Variants in ADAMTS5 observed in about 807,000 individuals in gnomAD.
ADAMTS5 encodes the protein ADAM metallopeptidase with thrombospondin type 1 motif 5.
ADAMTS5 carries 54 observed loss-of-function variants against 81.4 expected under a neutral mutation model. The ratio of observed to expected loss-of-function variants is 0.66; its 90% CI spans 0.53 to 0.83. ADAMTS5 has a LOEUF of 0.83. ADAMTS5 is among the 40% of genes least tolerant of loss of function. The probability of loss-of-function intolerance (pLI) is 0.00; values close to 1 mark genes in which losing one functional copy is unlikely to be tolerated. For synonymous variants in ADAMTS5, 532 were observed against 508.8 expected (o/e 1.05, Z -0.61); for missense variants, 1,194 against 1,229.9 (o/e 0.97, Z 0.44).
intron 3 of ADAMTS5, chr21:26,939,792 A>G (rs532050036): frequency 2.6e-5 from 4 of 152,306 alleles, no homozygotes; most frequent in African/African-American, 7.2e-5. Flanking sequence ...TCACTGCACA[A>G]TTTCTTTGCC....
rs149914862 is a variant in ADAMTS5, at chr21:26,927,328, G to A, written c.2225+2558C>T. 2.2e-3 allele frequency among the ~76,000 whole-genome samples: 338 copies of A among 152,298 alleles called. 2 individuals carry two copies. The East Asian group carries it at 0.024, about 11-fold the overall frequency. On this transcript the variant is annotated intron_variant, in intron 7 of 7. Transcript: ENST00000284987. ...CAATTGATAAGAGCTGTGAAGAAAC[G>A]GAGTAAGGTAAGAAGTTGCACAGTA...
intron 1 of ADAMTS5, among the ~76,000 whole-genome samples, chr21:26,962,221 C>T (rs1167453033): frequency 4.6e-5 from 7 of 150,754 alleles, no homozygotes; most frequent in Admixed American, 6.6e-5. Context: ...TAAAAAAAAA[C>T]GACTGTAAGA....
rs562760609 is a variant in ADAMTS5 at position 26,919,884 on chromosome 21, G to A, written c.*4169C>T. ...AAACATACAAGTTCCTTTTCTGTGT[G>A]TCTAAATGATACATTGTCTTGAATT... is the stretch of plus-strand genomic sequence containing the variant. On this transcript the variant is annotated 3_prime_UTR_variant, in exon 8 of 8. Transcript: ENST00000284987. The A allele has an allele frequency of 3.5e-4, 54 of 152,144 alleles. No homozygotes were observed. The highest frequency in any genetic ancestry group is 6.9e-4 in the Non-Finnish European group (47 of 67,968). 9.4% of individuals were successfully genotyped at this position (152,144 alleles called of 1,614,324 possible).
In ADAMTS5 at chr21:26,918,297, G is replaced by T. The variant is rs768673908; in HGVS notation, c.*5756C>A. On this transcript the variant is annotated 3_prime_UTR_variant, in exon 8 of 8. Coordinates refer to ENST00000284987, the MANE Select transcript of ADAMTS5 (RefSeq NM_007038.5). The stretch of plus-strand genomic sequence containing the variant: ...GCGTACATTTTACATCTTATATACA[G>T]TATGTAAATCTTCAATGATTTTCTC... The T allele has an allele frequency of 6.6e-6, 1 of 152,356 alleles. No homozygotes were observed. The highest frequency in any genetic ancestry group is 1.5e-5 in the Non-Finnish European group (1 of 67,940). 9.4% of individuals were successfully genotyped at this position (152,356 alleles called of 1,614,324 possible). A position where few individuals can be genotyped will look rare whatever the true frequency, so the allele number is the denominator to read the frequency against.
intron 1 of ADAMTS5, among the ~76,000 whole-genome samples, chr21:26,959,665 T>C (rs1225500532): frequency 6.6e-6 from 1 of 152,208 alleles, no homozygotes; most frequent in East Asian, 1.9e-4. Flanking sequence ...ACTAAATATA[T>C]GAAATACACT....
chr21:26,953,953 A>T (rs1208252468), intron 2 of ADAMTS5: 1 of 153,566 alleles, frequency 6.5e-6, no homozygotes, highest in Non-Finnish European at 1.5e-5. Context: ...TTTAGCAAAA[A>T]TTGGGCTCAT....
At chr21:26,930,139 A>G in intron 6 of ADAMTS5, 78 bp from the exon 7 acceptor site, 2 of 1,432,594 alleles carry the variant, frequency 1.4e-6, no homozygotes, top group Non-Finnish European at 9.6e-7. Context: ...GTAAGTTCTC[A>G]TTTGTGATTT....
intron 6 of ADAMTS5, among the ~76,000 whole-genome samples, chr21:26,930,585 G>A (rs1279760420): frequency 6.6e-6 from 1 of 152,140 alleles, no homozygotes; most frequent in Non-Finnish European, 1.5e-5. Flanking sequence ...AACCAAATTA[G>A]TGCAGAAAAA....
At position 26,949,952 on chromosome 21, in the gene ADAMTS5, T is replaced by C. The variant is rs149485489; in HGVS notation, c.1237+4787A>G. ...CAGCTTTTCAAAATATGGCCGTGTTTAATCTAATCATCTACAGAAGCAGAG... is the reference window on the plus strand; with the variant it reads ...CAGCTTTTCAAAATATGGCCGTGTTCAATCTAATCATCTACAGAAGCAGAG... On this transcript the variant is annotated intron_variant, in intron 2 of 7. Coordinates refer to ENST00000284987, the MANE Select transcript of ADAMTS5 (RefSeq NM_007038.5). 4.1e-3 allele frequency among the ~76,000 whole-genome samples: 619 copies of C among 152,330 alleles called. 1 individual carries two copies. Among genetic ancestry groups the C allele is most frequent in the African/African-American group, 0.012 (486 of 41,572 alleles).
chr21:26,936,111 C>T (rs1385481186), intron 3 of ADAMTS5, among the ~76,000 whole-genome samples: 1 of 152,126 alleles, frequency 6.6e-6, no homozygotes, highest in Non-Finnish European at 1.5e-5. Context: ...CATATGGCTT[C>T]TGTTAGCATG....
intron 1 of ADAMTS5, among the ~76,000 whole-genome samples, chr21:26,961,189 T>A (rs187493828): frequency 7.4e-4 from 112 of 152,376 alleles, no homozygotes; most frequent in Middle Eastern, 6.8e-3. Context: ...AAGAAGTTTA[T>A]CTTTGTTTCT....
rs1987667980 is a variant in ADAMTS5, at chr21:26,966,261, C to T, written c.131G>A (p.Arg44His). 3 of 1,580,442 alleles carry T rather than the reference C, an allele frequency of 1.9e-6. No individual in the cohort carries two copies. The highest frequency in any genetic ancestry group is 2.7e-5 in the African/African-American group (2 of 74,028). ...PPTAAAAAQP[R>H]RRQGEEVQER... is the part of the protein sequence containing the mutation. ...CTGCACCTCCTCCCCCTGCCGCCGG[C>T]GGGGCTGGGCGGCTGCTGCAGCAGT... is the stretch of plus-strand genomic sequence containing the variant. Residue 44 changes from arginine to histidine, a missense_variant, in exon 1 of 8, where the codon CGC becomes CAC. Around this residue, in one of 2 missense-constraint regions of ADAMTS5, gnomAD observed 498 missense variants for 412.3 expected, o/e 1.21. Coordinates refer to ENST00000284987, the MANE Select transcript of ADAMTS5 (RefSeq NM_007038.5).
intron 2 of ADAMTS5, among the ~76,000 whole-genome samples, chr21:26,948,364 C>T (rs974829446): frequency 5.3e-5 from 8 of 152,164 alleles, no homozygotes; most frequent in African/African-American, 1.9e-4. Context: ...GACACAGTAC[C>T]ACATCCTAAA....
rs35477486 is a variant in ADAMTS5, at chr21:26,949,136, GAT to G, written c.1238-5591_1238-5590del. 3.0e-3 allele frequency among the ~76,000 whole-genome samples: 431 copies of G among 144,968 alleles called. 2 individuals carry two copies. The highest frequency in any genetic ancestry group is 8.4e-3 in the African/African-American group (330 of 39,416). On this transcript the variant is annotated intron_variant, in intron 2 of 7. Transcript: ENST00000284987. The stretch of plus-strand genomic sequence containing the variant: ...ACTTATGAGTATTCTAGTAATCAGT[GAT>G]ATATATATATATATATCACACATAT...
chr21:26,933,061 A>C lies in ADAMTS5; in HGVS notation c.1690-17T>G, dbSNP rs1350947432. On this transcript the variant is annotated splice_polypyrimidine_tract_variant and intron_variant, in intron 4 of 7. Transcript: ENST00000284987. ...GCTTGACGTCTGAAATAGAGAATAG[A>C]ATATATTTTAACTCCAATGAGAGAA... 1 of 1,596,584 alleles carries C rather than the reference A, an allele frequency of 6.3e-7. No homozygotes were observed.
In ADAMTS5 at chr21:26,953,036, T is replaced by A. The variant is rs529733423; in HGVS notation, c.1237+1703A>T. On this transcript the variant is annotated intron_variant, in intron 2 of 7. Coordinates refer to ENST00000284987, the MANE Select transcript of ADAMTS5 (RefSeq NM_007038.5). ...GGTTCTGTATTAGGCTGTGTTTTTATCAGTAAGGATTAATAGGCATAAATG... is the reference window on the plus strand; with the variant it reads ...GGTTCTGTATTAGGCTGTGTTTTTAACAGTAAGGATTAATAGGCATAAATG... Among the ~76,000 whole-genome samples, 30 of 152,330 alleles carry A rather than the reference T, an allele frequency of 2.0e-4. 1 individual carries two copies. The South Asian group carries it at 5.8e-3, about 29-fold the overall frequency.
At chr21:26,954,461 C>T (rs983485393) in intron 2 of ADAMTS5, among the ~76,000 whole-genome samples, 1 of 152,140 alleles carries the variant, frequency 6.6e-6, no homozygotes, top group African/African-American at 2.4e-5. Flanking sequence ...GGGTCATTTA[C>T]GGATGCTTAA....
chr21:26,944,019 G>T (rs1987166826), intron 2 of ADAMTS5, among the ~76,000 whole-genome samples: 1 of 152,180 alleles, frequency 6.6e-6, no homozygotes, highest in Non-Finnish European at 1.5e-5. Context: ...ACACTTAGTA[G>T]ATGGTTTTTG....
At position 26,963,792 on chromosome 21, in the gene ADAMTS5, G is replaced by A. The variant is rs369698893; in HGVS notation, c.1104+1496C>T. On this transcript the variant is annotated intron_variant, in intron 1 of 7. Coordinates refer to ENST00000284987, the MANE Select transcript of ADAMTS5 (RefSeq NM_007038.5). ...GCTTCAAAGACTAATGTTGTGCAGA[G>A]GAATTAAAGGATGGCTTCCAGAAAA... Among the ~76,000 whole-genome samples, 5 of 151,536 alleles carry A rather than the reference G, an allele frequency of 3.3e-5. No individual in the cohort carries two copies. The East Asian group carries it at 7.9e-4, about 24-fold the overall frequency.
Sources: allele counts gnomAD v4.1 joint callset (sites outside exome capture counted in the v4.1 genomes callset), GRCh38; gene constraint gnomAD v4.1.1; regional missense constraint gnomAD v4.1.1; transcripts MANE v1.5; gene names NCBI Gene and HGNC (gene_info 2026-07-23, HGNC 2026-07-21).